MTHFD2L: variants seen among roughly 807,000 people sequenced by gnomAD.
MTHFD2L encodes the protein bifunctional methylenetetrahydrofolate dehydrogenase/cyclohydrolase 2, mitochondrial.
A neutral mutation model predicts 34.9 loss-of-function variants in MTHFD2L; 29 were observed. The ratio of observed to expected loss-of-function variants is 0.83; its 90% CI spans 0.62 to 1.13. The LOEUF (loss-of-function observed/expected upper bound fraction) is 1.13, where lower values mean the gene tolerates loss of function less well. Ranked by LOEUF, MTHFD2L falls within the 50% of genes most tolerant of loss-of-function variation. The pLI, the probability that MTHFD2L is intolerant of heterozygous loss-of-function variation, is 0.00. For missense variants in MTHFD2L, 481 were observed against 446.5 expected (o/e 1.08, Z -0.70); for synonymous variants, 167 against 155.7 (o/e 1.07, Z -0.54).
chr4:74,256,780 G>A (rs560061192), intron 6 of MTHFD2L, among the ~76,000 whole-genome samples: 2 of 152,204 alleles, frequency 1.3e-5, no homozygotes, highest in East Asian at 3.9e-4. Context: ...TTATTTCTGG[G>A]TTCTCTATTC....
chr4:74,171,312 C>G (rs930507233), intron 1 of MTHFD2L, among the ~76,000 whole-genome samples: 1 of 152,100 alleles, frequency 6.6e-6, no homozygotes, highest in African/African-American at 2.4e-5. Context: ...CATATGTCCA[C>G]TAAAATGTCA....
At chr4:74,197,716 G>T (rs1309596461) in intron 3 of MTHFD2L, among the ~76,000 whole-genome samples, 1 of 152,128 alleles carries the variant, frequency 6.6e-6, no homozygotes, top group Non-Finnish European at 1.5e-5. Flanking sequence ...TCTTTAAAAT[G>T]GGCATGATCA....
rs571584362 is a variant in MTHFD2L, at chr4:74,247,993, A to G, written c.805+22599A>G. Among the ~76,000 whole-genome samples the G allele has an allele frequency of 2.6e-5, 4 of 152,274 alleles. No homozygotes were observed. In the South Asian group the frequency reaches 8.3e-4, roughly 32 times the overall value. On this transcript the variant is annotated intron_variant, in intron 6 of 7. Coordinates refer to ENST00000325278, the MANE Select transcript of MTHFD2L (RefSeq NM_001144978.3). ...TTGGTGTCAGGATGATGCTGGCCTC[A>G]TAAAATGAGTTAGGGAGGATTCCCT...
At chr4:74,270,375 G>A (rs987848686) in intron 6 of MTHFD2L, among the ~76,000 whole-genome samples, 19 of 151,682 alleles carry the variant, frequency 1.3e-4, no homozygotes, top group Admixed American at 4.6e-4. Context: ...CTGTGTCCAA[G>A]TGTTCTCATT....
chr4:74,250,294 ACT>A (rs1329504373), intron 6 of MTHFD2L, among the ~76,000 whole-genome samples: 1 of 152,106 alleles, frequency 6.6e-6, no homozygotes, highest in African/African-American at 2.4e-5. Flanking sequence ...GCATAATCAC[ACT>A]CTCTAATTTA....
At chr4:74,250,184 A>G (rs570220895) in intron 6 of MTHFD2L, among the ~76,000 whole-genome samples, 7 of 152,190 alleles carry the variant, frequency 4.6e-5, no homozygotes, top group Admixed American at 2.6e-4. Flanking sequence ...ATTTCTTTTT[A>G]TTCTTTTTTC....
At chr4:74,295,126 G>C (rs1479223424) in intron 7 of MTHFD2L, among the ~76,000 whole-genome samples, 2 of 152,000 alleles carry the variant, frequency 1.3e-5, no homozygotes, top group Non-Finnish European at 2.9e-5. Context: ...CCTGAACACA[G>C]TAACTACAGC....
intron 1 of MTHFD2L, among the ~76,000 whole-genome samples, chr4:74,166,799 A>G (rs1488487419): frequency 6.6e-6 from 1 of 152,200 alleles, no homozygotes; most frequent in Non-Finnish European, 1.5e-5. Context: ...CCACACTGTA[A>G]GCCTGCCCCA....
intron 4 of MTHFD2L, 81 bp from the exon 5 acceptor site, chr4:74,201,182 G>T (rs944013426): frequency 3.0e-5 from 29 of 961,996 alleles, no homozygotes; most frequent in Non-Finnish European, 3.9e-5. Context: ...ATTTTTAAAA[G>T]AATGTTTCAG....
At chr4:74,261,266 A>C (rs1399708379) in intron 6 of MTHFD2L, among the ~76,000 whole-genome samples, 1 of 152,026 alleles carries the variant, frequency 6.6e-6, no homozygotes, top group Non-Finnish European at 1.5e-5. Context: ...ATTAGAACTA[A>C]TGAGAAAGTT....
At chr4:74,282,988 T>C (rs947571369) in intron 7 of MTHFD2L, among the ~76,000 whole-genome samples, 1 of 136,742 alleles carries the variant, frequency 7.3e-6, no homozygotes, top group Non-Finnish European at 1.5e-5. Flanking sequence ...TAAAGTGCAT[T>C]TTATTTTAAA....
intron 1 of MTHFD2L, among the ~76,000 whole-genome samples, chr4:74,134,695 T>G (rs1233684385): frequency 6.6e-6 from 1 of 152,158 alleles, no homozygotes; most frequent in African/African-American, 2.4e-5. Flanking sequence ...ACAGCTGTTT[T>G]AAGGAAACTT....
At chr4:74,240,115 C>T (rs1306110306) in intron 6 of MTHFD2L, among the ~76,000 whole-genome samples, 4 of 152,194 alleles carry the variant, frequency 2.6e-5, no homozygotes, top group African/African-American at 7.2e-5. Context: ...GGGGTTCCCC[C>T]TCCTCTACTT....
chr4:74,213,753 G>T (rs1408470284), intron 5 of MTHFD2L, among the ~76,000 whole-genome samples: 2 of 152,148 alleles, frequency 1.3e-5, no homozygotes, highest in Admixed American at 1.3e-4. Context: ...ATGTTGGCCT[G>T]TCTTGCTAGG....
intron 6 of MTHFD2L, among the ~76,000 whole-genome samples, chr4:74,248,798 A>T (rs1308541854): frequency 6.6e-6 from 1 of 151,842 alleles, no homozygotes; most frequent in African/African-American, 2.4e-5. Context: ...GTTTTGAGTG[A>T]GTTTCTTAAT....
intron 6 of MTHFD2L, among the ~76,000 whole-genome samples, chr4:74,247,670 T>C (rs1742680793): frequency 6.6e-6 from 1 of 152,192 alleles, no homozygotes; most frequent in African/African-American, 2.4e-5. Flanking sequence ...ACCTAATTTA[T>C]TGAGAGTTTT....
chr4:74,119,731 C>T (rs1367186064), upstream of MTHFD2L, among the ~76,000 whole-genome samples: 4 of 151,754 alleles, frequency 2.6e-5, no homozygotes, highest in Admixed American at 6.6e-5. Flanking sequence ...TCCAGTGAGC[C>T]GAGATCGTGC....
At chr4:74,217,295 T>C (rs957596464) in intron 5 of MTHFD2L, among the ~76,000 whole-genome samples, 1 of 151,924 alleles carries the variant, frequency 6.6e-6, no homozygotes, top group Non-Finnish European at 1.5e-5. Flanking sequence ...ATTTAGTGTC[T>C]ATAGAGTTTC....
At chr4:74,260,991 G>T (rs1259678332) in intron 6 of MTHFD2L, among the ~76,000 whole-genome samples, 1 of 145,132 alleles carries the variant, frequency 6.9e-6, no homozygotes, top group Non-Finnish European at 1.5e-5. Flanking sequence ...CTAATAAAGG[G>T]TATCAACTGA....
Sources: allele counts gnomAD v4.1 joint callset (sites outside exome capture counted in the v4.1 genomes callset), GRCh38; gene constraint gnomAD v4.1.1; transcripts MANE v1.5; gene names NCBI Gene and HGNC (gene_info 2026-07-23, HGNC 2026-07-21).